The following ANXA4 variants were observed in gnomAD, a reference collection of about 807,000 sequenced individuals.
The protein encoded by ANXA4 is 35-beta calcimedin.
Under a neutral mutation model 49.8 loss-of-function variants are expected in ANXA4, and 39 were observed. That is an observed-to-expected ratio of 0.78 (90% confidence interval 0.61 to 1.02). The LOEUF (loss-of-function observed/expected upper bound fraction) is 1.02, where lower values mean the gene tolerates loss of function less well. ANXA4 is among the 50% of genes least tolerant of loss of function. The probability of loss-of-function intolerance (pLI) is 0.00; values close to 1 mark genes in which losing one functional copy is unlikely to be tolerated. For synonymous variants in ANXA4, 134 were observed against 152.5 expected (o/e 0.88, Z 0.89); for missense variants, 360 against 410.1 (o/e 0.88, Z 1.05).
intron 1 of ANXA4, among the ~76,000 whole-genome samples, chr2:69,779,406 G>A (rs184681326): frequency 6.6e-6 from 1 of 151,910 alleles, no homozygotes; most frequent in East Asian, 1.9e-4. Flanking sequence ...AGGTCATGTA[G>A]GAACATTTGG....
chr2:69,757,261 TATATA>T (rs1357575199), intron 1 of ANXA4, among the ~76,000 whole-genome samples: 6 of 40,316 alleles, frequency 1.5e-4, no homozygotes, highest in African/African-American at 7.5e-4. Context: ...TATATATATA[TATATA>T]TTTTTTTTTT....
chr2:69,735,543 G>A (rs748652725), intron 3 of ANXA4, among the ~76,000 whole-genome samples: 2 of 152,068 alleles, frequency 1.3e-5, no homozygotes, highest in Non-Finnish European at 2.9e-5. Flanking sequence ...GTTGGCTGCT[G>A]TGCAGTAAGC....
chr2:69,757,238 T>TTATATATATATATATATATATA (rs869068494), intron 1 of ANXA4, among the ~76,000 whole-genome samples: 1 of 59,060 alleles, frequency 1.7e-5, no homozygotes, highest in African/African-American at 6.3e-5. Context: ...CATTTTTGTT[T>TTATATATATATATATATATATA]TATATATATA....
intron 2 of ANXA4, among the ~76,000 whole-genome samples, chr2:69,677,168 C>A (rs1285915820): frequency 6.6e-6 from 1 of 151,810 alleles, no homozygotes; most frequent in Non-Finnish European, 1.5e-5. Flanking sequence ...AATTTTGTCT[C>A]TTCTTTTCTT....
At chr2:69,721,586 A>G (rs78735494) in intron 3 of ANXA4, among the ~76,000 whole-genome samples, 7,970 of 152,040 alleles carry the variant, frequency 0.052, 692 homozygotes, top group African/African-American at 0.18. Flanking sequence ...CTGTAGTCCC[A>G]TATACTTGGG....
chr2:69,731,873 G>C (rs2312550), intron 3 of ANXA4, among the ~76,000 whole-genome samples: 87,021 of 151,934 alleles, frequency 0.57, 25,856 homozygotes, highest in East Asian at 0.7. Flanking sequence ...TCATGGCAAG[G>C]AAAACAGGTT....
chr2:69,695,251 A>C (rs1309244998), intron 2 of ANXA4, among the ~76,000 whole-genome samples: 1 of 152,180 alleles, frequency 6.6e-6, no homozygotes, highest in Non-Finnish European at 1.5e-5. Context: ...CATAAACAGC[A>C]TCCATTCTCC....
chr2:69,767,970 A>G (rs1479781437), intron 1 of ANXA4, among the ~76,000 whole-genome samples: 1 of 152,014 alleles, frequency 6.6e-6, no homozygotes, highest in East Asian at 1.9e-4. Context: ...GTAAATATAT[A>G]CATATGTACA....
At chr2:69,740,701 T>TA (rs1299801331), upstream of ANXA4, among the ~76,000 whole-genome samples, 9 of 136,228 alleles carry the variant, frequency 6.6e-5, no homozygotes, top group African/African-American at 2.6e-4. Flanking sequence ...TTTTTTTTTT[T>TA]AGACAATGTC....
At chr2:69,770,988 G>C (rs986589629) in intron 1 of ANXA4, among the ~76,000 whole-genome samples, 10 of 151,154 alleles carry the variant, frequency 6.6e-5, no homozygotes, top group Admixed American at 6.6e-4. Context: ...CAGCTACTCG[G>C]GAGGCTGAGG....
chr2:69,757,635 A>G (rs982577554), intron 1 of ANXA4, among the ~76,000 whole-genome samples: 2 of 151,684 alleles, frequency 1.3e-5, no homozygotes, highest in African/African-American at 4.8e-5. Context: ...TGGTGCATAC[A>G]ATTTACTAAT....
intron 1 of ANXA4, among the ~76,000 whole-genome samples, chr2:69,761,927 A>G (rs577709672): frequency 1.8e-4 from 27 of 152,332 alleles, no homozygotes; most frequent in African/African-American, 6.0e-4. Context: ...CTAGAAAAAT[A>G]TCAAAGTGAA....
chr2:69,821,803 A>G lies in ANXA4; in HGVS notation c.906+982A>G, dbSNP rs547762214. Among the ~76,000 whole-genome samples the G allele has an allele frequency of 1.3e-4, 20 of 152,274 alleles. No individual in the cohort carries two copies. In the East Asian group the frequency reaches 2.9e-3, roughly 22 times the overall value. On this transcript the variant is annotated intron_variant, in intron 12 of 12. Coordinates refer to ENST00000394295, the MANE Select transcript of ANXA4 (RefSeq NM_001153.5). The stretch of plus-strand genomic sequence containing the variant: ...ACAAGGCATGCAGGAACTTGTTTCT[A>G]TTTCTGACTAGGCTATGAGGTAACT...
upstream of ANXA4, among the ~76,000 whole-genome samples, chr2:69,737,578 A>C (rs1182448318): frequency 2.6e-5 from 4 of 151,784 alleles, no homozygotes; most frequent in East Asian, 1.9e-4. Flanking sequence ...TGGTTCTATG[A>C]GTGTTCCTTT....
At chr2:69,770,313 T>C (rs1671656503) in intron 1 of ANXA4, among the ~76,000 whole-genome samples, 1 of 152,188 alleles carries the variant, frequency 6.6e-6, no homozygotes, top group African/African-American at 2.4e-5. Flanking sequence ...TCATAGACAG[T>C]TTTGAAAGCC....
chr2:69,695,193 G>A (rs1678121819), intron 2 of ANXA4, among the ~76,000 whole-genome samples: 1 of 151,958 alleles, frequency 6.6e-6, no homozygotes, highest in Non-Finnish European at 1.5e-5. Flanking sequence ...CATATTTAAT[G>A]CAGAAATCCA....
At chr2:69,669,326 A>G (rs1677068417) in intron 2 of ANXA4, among the ~76,000 whole-genome samples, 1 of 151,602 alleles carries the variant, frequency 6.6e-6, no homozygotes, top group Non-Finnish European at 1.5e-5. Context: ...AAAGAATCAT[A>G]AGGCCGGGCG....
chr2:69,709,606 C>T (rs1458678182), intron 2 of ANXA4, among the ~76,000 whole-genome samples: 2 of 152,136 alleles, frequency 1.3e-5, no homozygotes, highest in East Asian at 1.9e-4. Context: ...AGTACATACA[C>T]GGGAAGCCAC....
At chr2:69,701,545 C>G (rs1173691266) in intron 2 of ANXA4, among the ~76,000 whole-genome samples, 2 of 152,144 alleles carry the variant, frequency 1.3e-5, no homozygotes, top group African/African-American at 4.8e-5. Context: ...AAATTCCTTC[C>G]TTTTAAGGCT....
Sources: gnomAD v4.1 joint callset for allele counts (sites outside exome capture counted in the v4.1 genomes callset) on GRCh38, gnomAD v4.1.1 for gene constraint, MANE v1.5 for transcripts, NCBI Gene and HGNC (gene_info 2026-07-23, HGNC 2026-07-21) for gene names.